The following NALF1 variants were observed in gnomAD, a reference collection of about 807,000 sequenced individuals.
The protein encoded by NALF1 is NALCN channel auxiliary factor 1.
NALF1 carries 3 observed loss-of-function variants against 48.4 expected under a neutral mutation model. The ratio of observed to expected loss-of-function variants is 0.06; its 90% CI spans 0.03 to 0.16. The LOEUF is 0.16. Among genes scored for constraint, NALF1 ranks in the 10% least tolerant of loss-of-function variants. The pLI is 1.00. For synonymous variants in NALF1, 262 were observed against 245.7 expected, an observed-to-expected ratio of 1.07 and a Z score of -0.62; for missense variants, 526 against 571.5, an observed-to-expected ratio of 0.92 and a Z score of 0.81.
At chr13:107,441,433 T>C (rs1005097453) in intron 1 of NALF1, among the ~76,000 whole-genome samples, 14 of 152,152 alleles carry the variant, frequency 9.2e-5, no homozygotes, top group African/African-American at 2.7e-4. Flanking sequence ...CATCAGGTGA[T>C]GGAGAGGCAG....
intron 1 of NALF1, among the ~76,000 whole-genome samples, chr13:107,805,198 A>G (rs928850724): frequency 1.3e-5 from 2 of 152,210 alleles, no homozygotes; most frequent in Admixed American, 1.3e-4. Flanking sequence ...ATTAAAAATG[A>G]CATTAAGTAC....
chr13:107,187,066 C>G (rs1714026444), intron 2 of NALF1, among the ~76,000 whole-genome samples: 1 of 152,220 alleles, frequency 6.6e-6, no homozygotes, highest in Non-Finnish European at 1.5e-5. Flanking sequence ...GAGTGCTTCT[C>G]ATGCTTCCCA....
chr13:107,380,537 C>T (rs1051459536), intron 1 of NALF1, among the ~76,000 whole-genome samples: 2 of 152,114 alleles, frequency 1.3e-5, no homozygotes, highest in African/African-American at 2.4e-5. Flanking sequence ...AAATTCTCCC[C>T]GGCCCCCACA....
intron 1 of NALF1, among the ~76,000 whole-genome samples, chr13:107,372,832 T>A (rs1883270340): frequency 6.6e-6 from 1 of 152,228 alleles, no homozygotes; most frequent in Admixed American, 6.5e-5. Context: ...AGAAAATCTT[T>A]AAACACTCAT....
intron 2 of NALF1, among the ~76,000 whole-genome samples, chr13:107,185,438 T>C (rs1254653998): frequency 8.1e-6 from 1 of 123,274 alleles, no homozygotes; most frequent in Non-Finnish European, 1.6e-5. Context: ...GACACCTCAC[T>C]TCCCCTGTGG....
At chr13:107,569,058 T>A (rs1441193769) in intron 1 of NALF1, among the ~76,000 whole-genome samples, 1 of 152,214 alleles carries the variant, frequency 6.6e-6, no homozygotes, top group East Asian at 1.9e-4. Context: ...TAGTTTTATA[T>A]TTTAAATTTA....
intron 1 of NALF1, among the ~76,000 whole-genome samples, chr13:107,241,256 G>T (rs979178406): frequency 6.6e-6 from 1 of 151,972 alleles, no homozygotes; most frequent in Admixed American, 6.6e-5. Flanking sequence ...ATAGCCAAAA[G>T]CCTCATTATC....
At chr13:107,200,413 T>C (rs989888351) in intron 2 of NALF1, among the ~76,000 whole-genome samples, 1 of 152,110 alleles carries the variant, frequency 6.6e-6, no homozygotes, top group Non-Finnish European at 1.5e-5. Flanking sequence ...GTTAAGGAGC[T>C]TGCAGACTCT....
chr13:107,187,271 G>A (rs2138780910), intron 2 of NALF1, among the ~76,000 whole-genome samples: 1 of 152,328 alleles, frequency 6.6e-6, no homozygotes, highest in Non-Finnish European at 1.5e-5. Context: ...AAACCAGAGA[G>A]AAGGTCACTG....
rs9555344 is a variant in NALF1 at position 107,306,466 on chromosome 13, T to C, written c.916-95711A>G. Among the ~76,000 whole-genome samples the C allele has an allele frequency of 8.5e-4, 129 of 152,310 alleles. 3 individuals are homozygous for C. The East Asian group carries it at 0.023, about 27-fold the overall frequency. ...ATTTGGTATTAATAATGAAATCTGA[T>C]ACTTCAATGATTTGCAAACAGGGTT... On this transcript the variant is annotated intron_variant, in intron 1 of 2. Coordinates refer to ENST00000375915, the MANE Select transcript of NALF1 (RefSeq NM_001080396.3).
At chr13:107,372,661 T>C (rs1442659173) in intron 1 of NALF1, among the ~76,000 whole-genome samples, 2 of 152,194 alleles carry the variant, frequency 1.3e-5, no homozygotes, top group Non-Finnish European at 2.9e-5. Context: ...TCAATGAAGA[T>C]CTTCAATTAG....
chr13:107,647,239 T>C (rs1880337001), intron 1 of NALF1, among the ~76,000 whole-genome samples: 1 of 152,034 alleles, frequency 6.6e-6, no homozygotes. Flanking sequence ...AAGATGAGGA[T>C]GTTCCCTGGA....
chr13:107,569,458 C>A (rs369890064), intron 1 of NALF1, among the ~76,000 whole-genome samples: 4 of 151,442 alleles, frequency 2.6e-5, no homozygotes, highest in Non-Finnish European at 5.9e-5. Flanking sequence ...GGCGACACAG[C>A]GAGACTCCGT....
Position 107,694,475 on chromosome 13 carries a change from T to C in NALF1, c.915+171207A>G, listed in dbSNP as rs562329205. ...AATGACTGGTTTGCATAGGAATGAA[T>C]TATTGAAAAATCTGATATATTTTGT... On this transcript the variant is annotated intron_variant, in intron 1 of 2. Coordinates refer to ENST00000375915, the MANE Select transcript of NALF1 (RefSeq NM_001080396.3). Among the ~76,000 whole-genome samples the C allele has an allele frequency of 8.5e-5, 13 of 152,300 alleles. No individual in the cohort carries two copies. The South Asian group carries it at 2.7e-3, about 32-fold the overall frequency.
chr13:107,534,793 C>T lies in NALF1; in HGVS notation c.916-324038G>A, dbSNP rs540917979. On this transcript the variant is annotated intron_variant, in intron 1 of 2. Coordinates refer to ENST00000375915, the MANE Select transcript of NALF1 (RefSeq NM_001080396.3). Reference sequence around the variant, plus strand: ...GAACTACTCCATGACAACCACTGACCTGAAGCTTCTCCTCTGGATGGAAAG... The same window carrying T: ...GAACTACTCCATGACAACCACTGACTTGAAGCTTCTCCTCTGGATGGAAAG... Among the ~76,000 whole-genome samples, 7 of 152,226 alleles carry T rather than the reference C, an allele frequency of 4.6e-5. No homozygotes were observed. The East Asian group carries it at 1.4e-3, about 29-fold the overall frequency.
At position 107,546,083 on chromosome 13, in the gene NALF1, C is replaced by T. The variant is rs185909088; in HGVS notation, c.915+319599G>A. Among the ~76,000 whole-genome samples, 97 of 152,168 alleles carry T rather than the reference C, an allele frequency of 6.4e-4. No homozygotes were observed. In the East Asian group the frequency reaches 7.4e-3, roughly 12 times the overall value. ...GGGTCCTCGGCAGATCACCTGAAAC[C>T]GCTGGGCCTTCATTCTTCCCAGCAG... On this transcript the variant is annotated intron_variant, in intron 1 of 2. Coordinates refer to ENST00000375915, the MANE Select transcript of NALF1 (RefSeq NM_001080396.3).
At chr13:107,210,202 C>T (rs1374953970) in intron 2 of NALF1, among the ~76,000 whole-genome samples, 1 of 152,138 alleles carries the variant, frequency 6.6e-6, no homozygotes, top group African/African-American at 2.4e-5. Flanking sequence ...AAACTTCTGA[C>T]TAATTTGAAA....
intron 1 of NALF1, among the ~76,000 whole-genome samples, chr13:107,273,768 A>G (rs1479006167): frequency 2.0e-5 from 3 of 152,188 alleles, no homozygotes; most frequent in African/African-American, 7.2e-5. Flanking sequence ...TGGTATCCAT[A>G]GAACAGAACA....
At chr13:107,658,249 CTATCTT>C (rs10599253) in intron 1 of NALF1, among the ~76,000 whole-genome samples, 29,223 of 151,862 alleles carry the variant, frequency 0.19, 2,943 homozygotes, top group Middle Eastern at 0.37. Flanking sequence ...AAATTCTTAT[CTATCTT>C]TAATTTTTTC....
Sources: allele counts gnomAD v4.1 joint callset (sites outside exome capture counted in the v4.1 genomes callset), GRCh38; gene constraint gnomAD v4.1.1; transcripts MANE v1.5; gene names NCBI Gene and HGNC (gene_info 2026-07-23, HGNC 2026-07-21).